Variants in ZFPM2 observed in about 807,000 individuals in gnomAD.
ZFPM2 encodes the protein zinc finger protein, FOG family member 2.
ZFPM2 carries 20 observed loss-of-function variants against 98.6 expected under a neutral mutation model. The ratio of observed to expected loss-of-function variants is 0.20; its 90% CI spans 0.14 to 0.29. The LOEUF (loss-of-function observed/expected upper bound fraction) is 0.29. Ranked by LOEUF, ZFPM2 falls within the 10% of genes least tolerant of loss-of-function variation. ZFPM2 has a pLI of 1.00. For missense variants in ZFPM2, 1,310 were observed against 1,388.6 expected (o/e 0.94, Z 0.90); for synonymous variants, 518 against 502.7 (o/e 1.03, Z -0.41).
intron 4 of ZFPM2, among the ~76,000 whole-genome samples, chr8:105,594,587 G>A (rs1221590609): frequency 1.3e-5 from 2 of 152,024 alleles, no homozygotes; most frequent in Non-Finnish European, 2.9e-5. Context: ...ACTCTCTGAA[G>A]CTGATATAGT....
chr8:105,617,814 A>C (rs1345302852), intron 4 of ZFPM2, among the ~76,000 whole-genome samples: 2 of 152,194 alleles, frequency 1.3e-5, no homozygotes, highest in African/African-American at 4.8e-5. Flanking sequence ...TAGGCTTTTT[A>C]AAATCTATTC....
At chr8:105,700,570 G>C (rs991743092) in intron 5 of ZFPM2, among the ~76,000 whole-genome samples, 1 of 150,350 alleles carries the variant, frequency 6.7e-6, no homozygotes, top group African/African-American at 2.5e-5. Context: ...TTTTTTGTTT[G>C]TTTGTTTGTT....
intron 1 of ZFPM2, among the ~76,000 whole-genome samples, chr8:105,337,632 T>TATG (rs1414762314): frequency 6.6e-6 from 1 of 151,842 alleles, no homozygotes; most frequent in Non-Finnish European, 1.5e-5. Flanking sequence ...ATTTTATTAT[T>TATG]ATGTGTGTGA....
intron 2 of ZFPM2, among the ~76,000 whole-genome samples, chr8:105,426,742 T>C (rs1446747439): frequency 1.3e-5 from 2 of 151,924 alleles, no homozygotes; most frequent in Non-Finnish European, 2.9e-5. Context: ...GGTCAGGAGT[T>C]TGAGACCAGC....
chr8:105,592,247 A>G (rs921563992), intron 4 of ZFPM2, among the ~76,000 whole-genome samples: 1 of 151,846 alleles, frequency 6.6e-6, no homozygotes, highest in African/African-American at 2.4e-5. Flanking sequence ...TTCCCCCCTG[A>G]TGCATTGTTT....
chr8:105,537,070 A>G (rs1814468168), intron 3 of ZFPM2, among the ~76,000 whole-genome samples: 1 of 152,152 alleles, frequency 6.6e-6, no homozygotes, highest in African/African-American at 2.4e-5. Context: ...ATGGCCCAAC[A>G]ATTGTTTTAT....
chr8:105,468,059 CCT>C (rs1812826896), intron 3 of ZFPM2, among the ~76,000 whole-genome samples: 2 of 151,802 alleles, frequency 1.3e-5, no homozygotes, highest in Non-Finnish European at 2.9e-5. Context: ...TCTTAGTTGG[CCT>C]CTCTTATCAC....
intron 5 of ZFPM2, 132 bp from the exon 6 acceptor site, chr8:105,788,586 C>T (rs75310198): frequency 1.2e-6 from 1 of 851,544 alleles, no homozygotes; most frequent in African/African-American, 1.7e-5. Context: ...CAGCTGTTGC[C>T]TTGATCAAAC....
At chr8:105,426,887 G>A (rs1051589228) in intron 2 of ZFPM2, among the ~76,000 whole-genome samples, 1 of 152,176 alleles carries the variant, frequency 6.6e-6, no homozygotes, top group African/African-American at 2.4e-5. Context: ...AACACGGGAA[G>A]AGGAGGTTGC....
chr8:105,505,434 CTTCA>C (rs1218710911), intron 3 of ZFPM2, among the ~76,000 whole-genome samples: 5 of 152,222 alleles, frequency 3.3e-5, no homozygotes, highest in African/African-American at 7.2e-5. Context: ...TAGTTTATTT[CTTCA>C]TTCATTCACT....
chr8:105,426,755 G>A (rs1381429033), intron 2 of ZFPM2, among the ~76,000 whole-genome samples: 1 of 151,290 alleles, frequency 6.6e-6, no homozygotes, highest in Non-Finnish European at 1.5e-5. Context: ...AGACCAGCCT[G>A]GTCAACATGG....
At chr8:105,733,438 C>T (rs1811992433) in intron 5 of ZFPM2, among the ~76,000 whole-genome samples, 1 of 151,790 alleles carries the variant, frequency 6.6e-6, no homozygotes, top group Non-Finnish European at 1.5e-5. Context: ...CCTTATTTAC[C>T]AATAAACCAT....
chr8:105,539,788 G>A (rs926791857), intron 3 of ZFPM2, among the ~76,000 whole-genome samples: 26 of 152,072 alleles, frequency 1.7e-4, no homozygotes, highest in African/African-American at 4.3e-4. Context: ...GACTTCTGTC[G>A]TTTCACAAAT....
intron 5 of ZFPM2, among the ~76,000 whole-genome samples, chr8:105,755,418 G>A (rs1371621323): frequency 1.3e-5 from 2 of 152,046 alleles, no homozygotes; most frequent in African/African-American, 2.4e-5. Context: ...CATGCACACT[G>A]CCCAACTCTG....
At chr8:105,705,553 A>T (rs959743351) in intron 5 of ZFPM2, among the ~76,000 whole-genome samples, 1 of 152,202 alleles carries the variant, frequency 6.6e-6, no homozygotes, top group South Asian at 2.1e-4. Flanking sequence ...TGAAAGGTAG[A>T]TATGACATAT....
chr8:105,418,815 C>G (rs546018333), intron 1 of ZFPM2: 1 of 527,008 alleles, frequency 1.9e-6, no homozygotes, highest in South Asian at 1.5e-5. Flanking sequence ...TTAATTCTAA[C>G]AAATGAACAT....
intron 3 of ZFPM2, among the ~76,000 whole-genome samples, chr8:105,480,294 T>G (rs1813089030): frequency 6.6e-6 from 1 of 152,326 alleles, no homozygotes; most frequent in East Asian, 1.9e-4. Context: ...TTATCTAATT[T>G]GCCACTTCTT....
At chr8:105,645,945 C>G (rs1430645970) in intron 5 of ZFPM2, among the ~76,000 whole-genome samples, 1 of 151,352 alleles carries the variant, frequency 6.6e-6, no homozygotes, top group Non-Finnish European at 1.5e-5. Flanking sequence ...CCCAGCTACT[C>G]TGGAGGCTGA....
chr8:105,591,968 G>A (rs1288162719), intron 4 of ZFPM2, among the ~76,000 whole-genome samples: 1 of 151,902 alleles, frequency 6.6e-6, no homozygotes, highest in African/African-American at 2.4e-5. Flanking sequence ...AGAAAAATTT[G>A]GTAAACATTT....
Sources: gnomAD v4.1 joint callset for allele counts (sites outside exome capture counted in the v4.1 genomes callset) on GRCh38, gnomAD v4.1.1 for gene constraint, MANE v1.5 for transcripts, NCBI Gene and HGNC (gene_info 2026-07-23, HGNC 2026-07-21) for gene names.